SIAH3: variants seen among roughly 807,000 people sequenced by gnomAD.
SIAH3 encodes seven in absentia homolog 3.
In SIAH3, 9 loss-of-function variants were observed where a neutral mutation model predicts 12.6. That is an observed-to-expected ratio of 0.72 (90% CI 0.43 to 1.25). The LOEUF is 1.25. Ranked by LOEUF, SIAH3 falls within the 50% of genes most tolerant of loss-of-function variation. The probability of loss-of-function intolerance (pLI) is 0.00; values close to 1 mark genes in which losing one functional copy is unlikely to be tolerated. For missense variants in SIAH3, 390 were observed against 365.4 expected, an observed-to-expected ratio of 1.07 and a Z score of -0.55; for synonymous variants, 154 against 151.1, an observed-to-expected ratio of 1.02 and a Z score of -0.14.
intron 1 of SIAH3, among the ~76,000 whole-genome samples, chr13:45,790,369 C>T (rs139786848): frequency 1.8e-4 from 28 of 152,266 alleles, no homozygotes; most frequent in African/African-American, 6.3e-4. Context: ...TAGATGTCTT[C>T]ATAGACACCA....
chr13:45,829,095 C>T (rs9316169), intron 1 of SIAH3, among the ~76,000 whole-genome samples: 3,647 of 152,230 alleles, frequency 0.024, 147 homozygotes, highest in African/African-American at 0.083. Context: ...AACACCACAG[C>T]ACTGTGAGGT....
At chr13:45,791,886 C>G (rs1378291864) in intron 1 of SIAH3, among the ~76,000 whole-genome samples, 4 of 152,148 alleles carry the variant, frequency 2.6e-5, no homozygotes, top group Admixed American at 6.5e-5. Context: ...TGGCAGGACC[C>G]CTGAGCTAAA....
chr13:45,820,110 G>A (rs1018497798), intron 1 of SIAH3, among the ~76,000 whole-genome samples: 2 of 152,196 alleles, frequency 1.3e-5, no homozygotes, highest in African/African-American at 2.4e-5. Flanking sequence ...GAATCCGCAC[G>A]ACTTATGTGT....
At chr13:45,803,441 A>T (rs557016196) in intron 1 of SIAH3, among the ~76,000 whole-genome samples, 1 of 152,356 alleles carries the variant, frequency 6.6e-6, no homozygotes, top group East Asian at 1.9e-4. Flanking sequence ...TATGATAGAA[A>T]TAAGCCCAGG....
intron 1 of SIAH3, among the ~76,000 whole-genome samples, chr13:45,849,554 G>A (rs1174141481): frequency 6.6e-6 from 1 of 152,160 alleles, no homozygotes; most frequent in Non-Finnish European, 1.5e-5. Flanking sequence ...CCATTTAAAA[G>A]GTGAGGAAGG....
chr13:45,846,731 C>G (rs753136960), intron 1 of SIAH3, among the ~76,000 whole-genome samples: 8 of 152,180 alleles, frequency 5.3e-5, no homozygotes, highest in Non-Finnish European at 1.2e-4. Flanking sequence ...AGAATTCCAC[C>G]AAATTTGCTT....
chr13:45,806,866 C>A (rs369572585), intron 1 of SIAH3, among the ~76,000 whole-genome samples: 1 of 152,080 alleles, frequency 6.6e-6, no homozygotes. Context: ...AAATCAGAAA[C>A]AAACCATGAA....
chr13:45,840,180 C>T (rs944834469), intron 1 of SIAH3, among the ~76,000 whole-genome samples: 1 of 152,070 alleles, frequency 6.6e-6, no homozygotes, highest in Non-Finnish European at 1.5e-5. Context: ...ATCACTTGAA[C>T]CCAGGAGGCA....
chr13:45,793,255 G>A (rs968043946), intron 1 of SIAH3, among the ~76,000 whole-genome samples: 3 of 152,204 alleles, frequency 2.0e-5, no homozygotes, highest in African/African-American at 7.2e-5. Flanking sequence ...GTGTTAGGAG[G>A]TTACAAATGG....
chr13:45,837,877 A>T (rs536860205), intron 1 of SIAH3, among the ~76,000 whole-genome samples: 6 of 152,334 alleles, frequency 3.9e-5, no homozygotes, highest in Non-Finnish European at 7.3e-5. Flanking sequence ...TGTTTCCAAC[A>T]TGTTGAGAAG....
intron 1 of SIAH3, among the ~76,000 whole-genome samples, chr13:45,843,552 C>G (rs557802690): frequency 1.5e-4 from 23 of 152,176 alleles, no homozygotes; most frequent in Non-Finnish European, 2.6e-4. Flanking sequence ...CAGCTCTTGT[C>G]CCACTGCAGG....
intron 1 of SIAH3, among the ~76,000 whole-genome samples, chr13:45,815,557 G>A (rs550437038): frequency 6.6e-6 from 1 of 152,260 alleles, no homozygotes; most frequent in African/African-American, 2.4e-5. Context: ...GTATGTATGT[G>A]TGTATGTAGA....
intron 1 of SIAH3, among the ~76,000 whole-genome samples, chr13:45,799,439 A>C (rs757643545): frequency 3.9e-5 from 6 of 152,232 alleles, no homozygotes; most frequent in African/African-American, 9.6e-5. Context: ...AAATCATGGA[A>C]GGGCATGCTT....
chr13:45,817,531 C>T (rs1052463795), intron 1 of SIAH3, among the ~76,000 whole-genome samples: 8 of 152,110 alleles, frequency 5.3e-5, no homozygotes, highest in Non-Finnish European at 5.9e-5. Flanking sequence ...GGATTCTATC[C>T]GGGTGGGCCC....
intron 1 of SIAH3, among the ~76,000 whole-genome samples, chr13:45,830,451 A>C (rs1950694845): frequency 6.6e-6 from 1 of 152,220 alleles, no homozygotes; most frequent in Non-Finnish European, 1.5e-5. Flanking sequence ...ACATTCCTCA[A>C]GGCGTGGGGT....
chr13:45,845,885 G>C (rs114065447), intron 1 of SIAH3, among the ~76,000 whole-genome samples: 4 of 151,856 alleles, frequency 2.6e-5, no homozygotes, highest in African/African-American at 7.3e-5. Flanking sequence ...TGTGGTAAAG[G>C]GGAGATGGTA....
intron 1 of SIAH3, among the ~76,000 whole-genome samples, chr13:45,799,725 G>T (rs1344595793): frequency 6.6e-6 from 1 of 152,204 alleles, no homozygotes; most frequent in Non-Finnish European, 1.5e-5. Context: ...CAAGCAGCCA[G>T]CACTCAATTA....
chr13:45,806,909 C>T lies in SIAH3; in HGVS notation c.136-22852G>A, dbSNP rs183295109. On this transcript the variant is annotated intron_variant, in intron 1 of 1. Coordinates refer to ENST00000400405, the MANE Select transcript of SIAH3 (RefSeq NM_198849.3). ...TATATTACTGTTATTTAACATTCCA[C>T]AGGAAGTAGCCAATGCAATTTGATG... is the stretch of plus-strand genomic sequence containing the variant. Among the ~76,000 whole-genome samples, 779 of 151,884 alleles carry T rather than the reference C, an allele frequency of 5.1e-3. 7 individuals carry two copies. Among genetic ancestry groups the T allele is most frequent in the African/African-American group, 0.017 (715 of 41,392 alleles).
At chr13:45,800,933 A>G (rs1044245981) in intron 1 of SIAH3, among the ~76,000 whole-genome samples, 10 of 152,108 alleles carry the variant, frequency 6.6e-5, no homozygotes, top group African/African-American at 2.4e-4. Flanking sequence ...CACAAGAGGG[A>G]AAGGGATGAA....
Sources: gnomAD v4.1 joint callset for allele counts (sites outside exome capture counted in the v4.1 genomes callset) on GRCh38, gnomAD v4.1.1 for gene constraint, MANE v1.5 for transcripts, NCBI Gene and HGNC (gene_info 2026-07-23, HGNC 2026-07-21) for gene names.